CYTH3: variants seen among roughly 807,000 people sequenced by gnomAD.
CYTH3 encodes cytohesin 3.
In CYTH3, 23 loss-of-function variants were observed where a neutral mutation model predicts 55.1. The ratio of observed to expected loss-of-function variants is 0.42; its 90% CI spans 0.30 to 0.59. The LOEUF (loss-of-function observed/expected upper bound fraction) is 0.59, where lower values mean the gene tolerates loss of function less well. Among genes scored for constraint, CYTH3 ranks in the 20% least tolerant of loss-of-function variants. CYTH3 has a pLI of 0.20. For synonymous variants in CYTH3, 249 were observed against 194.9 expected (o/e 1.28, Z -2.31); for missense variants, 413 against 524.8 (o/e 0.79, Z 2.08).
chr7:6,173,300 A>G (rs1373877997), intron 6 of CYTH3, among the ~76,000 whole-genome samples: 1 of 152,160 alleles, frequency 6.6e-6, no homozygotes, highest in African/African-American at 2.4e-5. Flanking sequence ...GCTTTGGGTC[A>G]AGTGTGGAAG....
At chr7:6,265,270 CAT>C (rs569952894) in intron 1 of CYTH3, among the ~76,000 whole-genome samples, 49 of 151,714 alleles carry the variant, frequency 3.2e-4, no homozygotes, top group Non-Finnish European at 5.3e-4. Context: ...TGACAGAGAT[CAT>C]ATGTGGCCCA....
chr7:6,173,754 T>TTTCAAACCTAATG, intron 5 of CYTH3, 21 bp from the exon 6 acceptor site: 2 of 1,416,536 alleles, frequency 1.4e-6, no homozygotes, highest in Non-Finnish European at 2.0e-6. Context: ...AAGAAGTAAG[T>TTTCAAACCTAATG]TTCAAACCTA....
At chr7:6,267,824 A>AT (rs1301011853) in intron 1 of CYTH3, among the ~76,000 whole-genome samples, 4 of 152,104 alleles carry the variant, frequency 2.6e-5, no homozygotes, top group African/African-American at 9.7e-5. Context: ...GCCCAGCTGT[A>AT]TTTTTTAATC....
chr7:6,186,041 A>G (rs377179487), intron 4 of CYTH3, among the ~76,000 whole-genome samples: 204 of 151,136 alleles, frequency 1.3e-3, no homozygotes, highest in Non-Finnish European at 2.1e-3. Context: ...TCAGGAGATC[A>G]AGACCATCCT....
intron 2 of CYTH3, among the ~76,000 whole-genome samples, chr7:6,189,167 G>A (rs1003033735): frequency 6.6e-6 from 1 of 152,180 alleles, no homozygotes; most frequent in Non-Finnish European, 1.5e-5. Flanking sequence ...AATCACTTCT[G>A]TAACAATCAC....
chr7:6,225,964 G>A (rs988015479), intron 1 of CYTH3, among the ~76,000 whole-genome samples: 3 of 152,096 alleles, frequency 2.0e-5, no homozygotes, highest in African/African-American at 7.2e-5. Context: ...GGGATTACAG[G>A]TGTGAGCCAC....
At chr7:6,177,771 G>C (rs901121631) in intron 5 of CYTH3, 52 bp downstream of exon 5, 4 of 1,398,480 alleles carry the variant, frequency 2.9e-6, no homozygotes, top group Non-Finnish European at 4.1e-6. Flanking sequence ...CCTAGGTCAA[G>C]CTGCAGGGCT....
chr7:6,190,946 G>C (rs919954993), intron 1 of CYTH3, among the ~76,000 whole-genome samples: 1 of 151,772 alleles, frequency 6.6e-6, no homozygotes, highest in Non-Finnish European at 1.5e-5. Context: ...GTGTGGTGAC[G>C]CATGCCTGTA....
rs899537919 is a variant in CYTH3, at chr7:6,224,174, T to C, written c.35-33643A>G. ...CTGGGACTACAGGTATCCACCACCATGCCTGGTTAATTCTGCTTCTTAAAC... is the reference window on the plus strand; with the variant it reads ...CTGGGACTACAGGTATCCACCACCACGCCTGGTTAATTCTGCTTCTTAAAC... On this transcript the variant is annotated intron_variant, in intron 1 of 12. Coordinates refer to ENST00000350796, the MANE Select transcript of CYTH3 (RefSeq NM_004227.4). Among the ~76,000 whole-genome samples the C allele has an allele frequency of 7.9e-5, 12 of 152,186 alleles. 1 individual carries two copies. The highest frequency in any genetic ancestry group is 2.9e-4 in the African/African-American group (12 of 41,458).
chr7:6,239,866 GAACA>G (rs1356765127), intron 1 of CYTH3, among the ~76,000 whole-genome samples: 2 of 152,228 alleles, frequency 1.3e-5, no homozygotes, highest in African/African-American at 4.8e-5. Context: ...TAACAGACTT[GAACA>G]AATAAGGCAT....
chr7:6,232,148 T>C (rs1779404427), intron 1 of CYTH3, among the ~76,000 whole-genome samples: 1 of 152,182 alleles, frequency 6.6e-6, no homozygotes, highest in African/African-American at 2.4e-5. Context: ...TCCCCAATCC[T>C]TGATAAGCAT....
chr7:6,255,921 G>A (rs909293453), intron 1 of CYTH3, among the ~76,000 whole-genome samples: 9 of 151,748 alleles, frequency 5.9e-5, no homozygotes, highest in African/African-American at 1.9e-4. Flanking sequence ...CCGCCACTAC[G>A]CCCAGCTAAT....
At chr7:6,168,639 C>T (rs965028742) in intron 9 of CYTH3, among the ~76,000 whole-genome samples, 3 of 152,248 alleles carry the variant, frequency 2.0e-5, no homozygotes, top group South Asian at 4.1e-4. Flanking sequence ...AGGGCCCCTG[C>T]GCTTGGCACC....
chr7:6,222,273 TA>T (rs939698613), intron 1 of CYTH3, among the ~76,000 whole-genome samples: 1 of 152,222 alleles, frequency 6.6e-6, no homozygotes, highest in African/African-American at 2.4e-5. Context: ...TTAGTCATTT[TA>T]AAATGTGATA....
chr7:6,262,657 G>C (rs1780380806), intron 1 of CYTH3, among the ~76,000 whole-genome samples: 1 of 152,166 alleles, frequency 6.6e-6, no homozygotes, highest in Non-Finnish European at 1.5e-5. Flanking sequence ...TTCAACACCA[G>C]CCTGAGCAAC....
intron 6 of CYTH3, among the ~76,000 whole-genome samples, chr7:6,173,440 A>T (rs1203925843): frequency 6.6e-6 from 1 of 152,256 alleles, no homozygotes; most frequent in African/African-American, 2.4e-5. Flanking sequence ...CAGTGAGGAA[A>T]GCACGGCCCT....
At chr7:6,223,397 G>A (rs1779141775) in intron 1 of CYTH3, among the ~76,000 whole-genome samples, 1 of 152,198 alleles carries the variant, frequency 6.6e-6, no homozygotes, top group Non-Finnish European at 1.5e-5. Flanking sequence ...AAGAAAAGGG[G>A]GAAATGTGGG....
chr7:6,200,837 C>A (rs1266490812), intron 1 of CYTH3, among the ~76,000 whole-genome samples: 2 of 152,232 alleles, frequency 1.3e-5, no homozygotes, highest in Non-Finnish European at 2.9e-5. Context: ...CTCACTGCAG[C>A]CTCAGCGTCC....
chr7:6,175,447 A>T (rs1304849467), intron 5 of CYTH3, among the ~76,000 whole-genome samples: 1 of 151,456 alleles, frequency 6.6e-6, no homozygotes, highest in African/African-American at 2.4e-5. Context: ...ATTTGACATT[A>T]ATGTGAGGGT....
Sources: allele counts gnomAD v4.1 joint callset (sites outside exome capture counted in the v4.1 genomes callset), GRCh38; gene constraint gnomAD v4.1.1; transcripts MANE v1.5; gene names NCBI Gene and HGNC (gene_info 2026-07-23, HGNC 2026-07-21).